Variants in ARB2A observed in about 807,000 individuals in gnomAD.
ARB2A encodes ARB2 cotranscriptional regulator A, also known as cotranscriptional regulator ARB2A.
chr5:93,936,683 C>T, the ARB2A span, among the ~76,000 whole-genome samples: 1 of 152,068 alleles, frequency 6.6e-6, no homozygotes, highest in East Asian at 1.9e-4. Flanking sequence ...AAGATGAATA[C>T]TTTGGATCCT....
At chr5:93,822,338 A>G in the ARB2A span, among the ~76,000 whole-genome samples, 22 of 152,188 alleles carry the variant, frequency 1.4e-4, no homozygotes, top group Admixed American at 1.3e-3. Flanking sequence ...AGGACGGGCA[A>G]AATAGGACTG....
the ARB2A span, among the ~76,000 whole-genome samples, chr5:93,687,078 T>A: frequency 1.3e-5 from 2 of 152,148 alleles, no homozygotes; most frequent in East Asian, 1.9e-4. Flanking sequence ...CAATAAGGAC[T>A]ATTATCCATC....
chr5:93,896,166 A>C, the ARB2A span, among the ~76,000 whole-genome samples: 8 of 152,086 alleles, frequency 5.3e-5, no homozygotes, highest in Admixed American at 2.0e-4. Context: ...CTGCCCTAAA[A>C]ATAGTTGTAC....
the ARB2A span, among the ~76,000 whole-genome samples, chr5:93,653,045 A>C: frequency 2.6e-5 from 4 of 152,102 alleles, no homozygotes; most frequent in Admixed American, 6.5e-5. Flanking sequence ...TTAATATGTA[A>C]AAATGGGGCC....
chr5:93,775,890 G>C, the ARB2A span, among the ~76,000 whole-genome samples: 5 of 152,102 alleles, frequency 3.3e-5, no homozygotes, highest in Non-Finnish European at 7.4e-5. Flanking sequence ...ATATATGTAT[G>C]TCTTATCTCT....
the ARB2A span, among the ~76,000 whole-genome samples, chr5:93,724,348 G>A: frequency 6.6e-6 from 1 of 151,956 alleles, no homozygotes; most frequent in African/African-American, 2.4e-5. Flanking sequence ...TGACTTAAAT[G>A]AACTCTTTGG....
the ARB2A span, among the ~76,000 whole-genome samples, chr5:93,771,638 G>T: frequency 1.3e-5 from 2 of 152,098 alleles, no homozygotes. Context: ...ATCAAAAAGT[G>T]GGCAAAGGAT....
chr5:94,059,122 A>G, the ARB2A span, among the ~76,000 whole-genome samples: 8 of 151,976 alleles, frequency 5.3e-5, no homozygotes, highest in Admixed American at 2.0e-4. Context: ...CCCAGTCTCA[A>G]GCATGCCTTC....
At chr5:94,058,768 A>T in the ARB2A span, among the ~76,000 whole-genome samples, 1 of 152,156 alleles carries the variant, frequency 6.6e-6, no homozygotes, top group African/African-American at 2.4e-5. Flanking sequence ...CAATGCTGGG[A>T]AGTGACATAG....
the ARB2A span, among the ~76,000 whole-genome samples, chr5:93,751,363 A>G: frequency 6.6e-6 from 1 of 152,224 alleles, no homozygotes; most frequent in Non-Finnish European, 1.5e-5. Flanking sequence ...GGGATATTAA[A>G]CAGACACTAT....
chr5:93,824,704 T>C, the ARB2A span, among the ~76,000 whole-genome samples: 3 of 152,194 alleles, frequency 2.0e-5, no homozygotes, highest in Non-Finnish European at 4.4e-5. Flanking sequence ...AAATCAGGAC[T>C]GCAACGTGGA....
the ARB2A span, among the ~76,000 whole-genome samples, chr5:93,826,191 C>G: frequency 1.3e-5 from 2 of 152,086 alleles, no homozygotes; most frequent in Non-Finnish European, 2.9e-5. Flanking sequence ...TAATACTGAT[C>G]AAAAAGCAAA....
chr5:94,045,320 TTTTAC>T, the ARB2A span, among the ~76,000 whole-genome samples: 1 of 152,030 alleles, frequency 6.6e-6, no homozygotes, highest in Non-Finnish European at 1.5e-5. Context: ...ATAAACTTGC[TTTTAC>T]TTTACTTTAT....
the ARB2A span, chr5:93,738,572 G>A: frequency 2.0e-5 from 3 of 152,062 alleles, no homozygotes; most frequent in South Asian, 2.1e-4. Context: ...CATCATCAGA[G>A]GAATGGATAA....
the ARB2A span, chr5:94,053,062 T>G: frequency 1.3e-6 from 1 of 777,994 alleles, no homozygotes. Context: ...TAAATAAATT[T>G]TGCATATACT....
At chr5:93,810,247 TTGAC>T in the ARB2A span, among the ~76,000 whole-genome samples, 1 of 151,360 alleles carries the variant, frequency 6.6e-6, no homozygotes, top group Admixed American at 6.6e-5. Flanking sequence ...CATGGGTAAA[TTGAC>T]TGGTTCTGAG....
the ARB2A span, among the ~76,000 whole-genome samples, chr5:94,032,111 G>A: frequency 6.6e-6 from 1 of 152,210 alleles, no homozygotes; most frequent in African/African-American, 2.4e-5. Context: ...AGAATGCATA[G>A]TGGAGTGACA....
chr5:93,940,272 T>A, the ARB2A span, among the ~76,000 whole-genome samples: 2 of 152,056 alleles, frequency 1.3e-5, no homozygotes, highest in African/African-American at 4.8e-5. Flanking sequence ...ATACCAATTG[T>A]ATTCCACCTA....
At chr5:93,955,145 T>C in the ARB2A span, among the ~76,000 whole-genome samples, 1 of 152,152 alleles carries the variant, frequency 6.6e-6, no homozygotes, top group Non-Finnish European at 1.5e-5. Context: ...ATTTTCGGTT[T>C]TTATGAAGGT....
Sources: gnomAD v4.1 joint callset for allele counts (sites outside exome capture counted in the v4.1 genomes callset) on GRCh38, gnomAD v4.1.1 for gene constraint, MANE v1.5 for transcripts, NCBI Gene and HGNC (gene_info 2026-07-23, HGNC 2026-07-21) for gene names.